The following TMEM266 variants were observed in gnomAD, a reference collection of about 807,000 sequenced individuals.
TMEM266 encodes transmembrane protein 266.
Under a neutral mutation model 50.5 loss-of-function variants are expected in TMEM266, and 33 were observed. The ratio of observed to expected loss-of-function variants is 0.65; its 90% CI spans 0.50 to 0.87. The LOEUF is 0.87. TMEM266 is among the 40% of genes least tolerant of loss of function. The probability of loss-of-function intolerance (pLI) is 0.00; values close to 1 mark genes in which losing one functional copy is unlikely to be tolerated. For synonymous variants in TMEM266, 310 were observed against 292.3 expected (o/e 1.06, Z -0.62); for missense variants, 655 against 695.1 (o/e 0.94, Z 0.65).
chr15:76,086,285 T>C (rs1229221334), intron 1 of TMEM266, among the ~76,000 whole-genome samples: 5 of 152,214 alleles, frequency 3.3e-5, no homozygotes, highest in Admixed American at 6.5e-5. Flanking sequence ...ATCCATGCCA[T>C]AGGATCCCAT....
chr15:76,149,344 G>C (rs1245454709), intron 3 of TMEM266, among the ~76,000 whole-genome samples: 1 of 152,144 alleles, frequency 6.6e-6, no homozygotes, highest in Non-Finnish European at 1.5e-5. Flanking sequence ...AGAGTTCATG[G>C]ATAAGGCTGT....
chr15:76,191,925 G>T, intron 8 of TMEM266, 43 bp from the exon 9 acceptor site: 1 of 1,518,958 alleles, frequency 6.6e-7, no homozygotes, highest in Non-Finnish European at 8.7e-7. Context: ...GGCCCCCGCC[G>T]GCCCCTCGCC....
At chr15:76,163,078 A>G (rs2038042632) in intron 5 of TMEM266, among the ~76,000 whole-genome samples, 1 of 152,178 alleles carries the variant, frequency 6.6e-6, no homozygotes. Context: ...TGGGTAGGAC[A>G]TTTTATGAGT....
chr15:76,123,041 CTAAG>C (rs1431465948), intron 1 of TMEM266, among the ~76,000 whole-genome samples: 2 of 144,930 alleles, frequency 1.4e-5, no homozygotes, highest in Non-Finnish European at 2.9e-5. Flanking sequence ...GACTACATCA[CTAAG>C]TAAGTGAAAA....
intron 3 of TMEM266, among the ~76,000 whole-genome samples, chr15:76,140,394 G>A (rs1343414517): frequency 1.3e-5 from 2 of 152,184 alleles, no homozygotes; most frequent in South Asian, 2.1e-4. Context: ...TGTCCAACCC[G>A]GCCCTTTCTG....
At chr15:76,169,974 G>T in intron 6 of TMEM266, 102 bp downstream of exon 6, 5 of 1,303,994 alleles carry the variant, frequency 3.8e-6, no homozygotes, top group African/African-American at 1.5e-5. Context: ...CAAGAAGGCT[G>T]GTTCCTTCTC....
At chr15:76,088,728 C>T (rs929171367) in intron 1 of TMEM266, among the ~76,000 whole-genome samples, 5 of 151,840 alleles carry the variant, frequency 3.3e-5, no homozygotes, top group South Asian at 2.1e-4. Context: ...ACCCGGGAGG[C>T]GGAGCTTGCA....
chr15:76,116,805 T>C (rs775917851), intron 1 of TMEM266, among the ~76,000 whole-genome samples: 4 of 152,212 alleles, frequency 2.6e-5, no homozygotes, highest in Non-Finnish European at 5.9e-5. Flanking sequence ...CAGACAACTT[T>C]TCACGTTAAT....
chr15:76,147,466 G>A (rs1046481559), intron 3 of TMEM266, among the ~76,000 whole-genome samples: 23 of 152,136 alleles, frequency 1.5e-4, no homozygotes, highest in South Asian at 1.2e-3. Context: ...AAGGAGCTTC[G>A]ATAATCCACT....
intron 8 of TMEM266, chr15:76,181,615 G>A (rs980315966): frequency 1.3e-5 from 2 of 152,128 alleles, no homozygotes; most frequent in Non-Finnish European, 2.9e-5. Flanking sequence ...ATTTCATGAC[G>A]AGTTAGGCTC....
rs544589026 is a variant in TMEM266, at chr15:76,091,920, G to A, written c.-97+31904G>A. ...GCAGGAGGATAGCTTGAACCCAGGA[G>A]GTCAAGACTGCAGTGAGCACTGATT... On this transcript the variant is annotated intron_variant, in intron 1 of 10. Transcript: ENST00000388942. Among the ~76,000 whole-genome samples the A allele has an allele frequency of 2.6e-5, 4 of 151,986 alleles. No homozygotes were observed. The East Asian group carries it at 5.8e-4, about 22-fold the overall frequency.
rs1014287822 is a variant in TMEM266, at chr15:76,134,183, T to A, written c.-81T>A. ...TTGTTTTCAGGGCACTATATTTGTA[T>A]GTGTCTTGTAGAACCCACGCTTGGA... On this transcript the variant is annotated 5_prime_UTR_variant, in exon 2 of 11. An upstream start codon of the reference 5' UTR is lost. Transcript: ENST00000388942. The A allele has an allele frequency of 2.0e-6, 3 of 1,486,718 alleles. No individual in the cohort carries two copies. The highest frequency in any genetic ancestry group is 3.5e-5 in the Admixed American group (2 of 57,492). 92.1% of individuals were successfully genotyped at this position (1,486,718 alleles called of 1,614,324 possible). A position where few individuals can be genotyped will look rare whatever the true frequency, so the allele number is the denominator to read the frequency against.
In TMEM266 at chr15:76,072,438, CAAA is replaced by C. The variant is rs766766619; in HGVS notation, c.-97+12442_-97+12444del. Among the ~76,000 whole-genome samples the C allele has an allele frequency of 4.5e-3, 243 of 54,536 alleles. 2 individuals are homozygous for C. The highest frequency in any genetic ancestry group is 0.014 in the African/African-American group (227 of 16,174). 35.8% of individuals were successfully genotyped at this position (54,536 alleles called of 152,430 possible). A position where few individuals can be genotyped will look rare whatever the true frequency, so the allele number is the denominator to read the frequency against. On this transcript the variant is annotated intron_variant, in intron 1 of 10. Transcript: ENST00000388942. ...GGGCAACAAGAGCGAAAAACTCTGT[CAAA>C]AAAAAAAAAAAAAAAAAAAGAAGCA... is the stretch of plus-strand genomic sequence containing the variant.
intron 8 of TMEM266, among the ~76,000 whole-genome samples, chr15:76,179,589 C>T (rs1015853109): frequency 3.9e-5 from 6 of 152,184 alleles, no homozygotes; most frequent in African/African-American, 1.4e-4. Context: ...GTATTTTATA[C>T]TGCAGGCACA....
At chr15:76,190,952 T>C (rs1567182537) in intron 8 of TMEM266, among the ~76,000 whole-genome samples, 1 of 152,158 alleles carries the variant, frequency 6.6e-6, no homozygotes. Flanking sequence ...GTGAAGGCTC[T>C]CCTTCCCGCG....
chr15:76,085,069 C>T (rs1420846942), intron 1 of TMEM266, among the ~76,000 whole-genome samples: 1 of 150,932 alleles, frequency 6.6e-6, no homozygotes, highest in Non-Finnish European at 1.5e-5. Context: ...ACGGCATTCT[C>T]CTGCCTCAGC....
rs2037652195 is a variant in TMEM266 at position 76,139,949 on chromosome 15, G to T, written c.227+2054G>T. ...CCCCTTTCAGGGGTCCTGTGCTGTG[G>T]TGTACCCCTTTCCAGGTATCCCCTG... is the stretch of plus-strand genomic sequence containing the variant. On this transcript the variant is annotated intron_variant, in intron 3 of 10. Transcript: ENST00000388942. The surrounding 1 kb of genome is among the most constrained non-coding windows in gnomAD (Gnocchi z 4.1). Among the ~76,000 whole-genome samples, 1 of 152,224 alleles carries T rather than the reference G, an allele frequency of 6.6e-6. No homozygotes were observed. The highest frequency in any genetic ancestry group is 1.5e-5 in the Non-Finnish European group (1 of 68,040).
chr15:76,201,303 A>ACCTGGCTTTCCTCCCACTC (rs2038743683), intron 9 of TMEM266, among the ~76,000 whole-genome samples: 2 of 152,090 alleles, frequency 1.3e-5, no homozygotes, highest in African/African-American at 4.8e-5. Context: ...GTCTTCCAGC[A>ACCTGGCTTTCCTCCCACTC]CCTGGCTTTC....
intron 8 of TMEM266, among the ~76,000 whole-genome samples, chr15:76,182,130 C>T (rs930695822): frequency 2.0e-5 from 3 of 152,092 alleles, no homozygotes; most frequent in Admixed American, 6.6e-5. Flanking sequence ...AGTCCCTTGT[C>T]GGGGAGCTTG....
Sources: gnomAD v4.1 joint callset for allele counts (sites outside exome capture counted in the v4.1 genomes callset) on GRCh38, gnomAD v4.1.1 for gene constraint, Gnocchi (gnomAD v3.1) non-coding constraint, MANE v1.5 for transcripts, NCBI Gene and HGNC (gene_info 2026-07-23, HGNC 2026-07-21) for gene names.